NEO1: variants seen among roughly 807,000 people sequenced by gnomAD.
NEO1 encodes the protein neogenin 1.
A neutral mutation model predicts 159.7 loss-of-function variants in NEO1; 63 were observed. That is an observed-to-expected ratio of 0.39 (90% CI 0.32 to 0.49). NEO1 has a LOEUF of 0.49. NEO1 is among the 20% of genes least tolerant of loss of function. NEO1 has a pLI of 0.85. For synonymous variants in NEO1, 633 were observed against 662.0 expected (o/e 0.96, Z 0.67); for missense variants, 1,615 against 1,831.0 (o/e 0.88, Z 2.15).
chr15:73,151,533 A>G (rs1222089843), intron 5 of NEO1, among the ~76,000 whole-genome samples: 1 of 152,240 alleles, frequency 6.6e-6, no homozygotes, highest in East Asian at 1.9e-4. Flanking sequence ...ATTGACTCAC[A>G]GTTCTGCAGG....
At chr15:73,232,283 T>C (rs2038950829) in intron 7 of NEO1, among the ~76,000 whole-genome samples, 2 of 152,206 alleles carry the variant, frequency 1.3e-5, no homozygotes, top group African/African-American at 4.8e-5. Flanking sequence ...ACAGATGTTT[T>C]TGTTGAGTAT....
chr15:73,168,379 T>TGGG (rs75298868), intron 5 of NEO1, among the ~76,000 whole-genome samples: 5 of 51,252 alleles, frequency 9.8e-5, no homozygotes, highest in African/African-American at 3.5e-4. Flanking sequence ...AGACGGGGGG[T>TGGG]GGGGGGGGGG....
intron 1 of NEO1, among the ~76,000 whole-genome samples, chr15:73,108,059 T>A (rs1386061123): frequency 6.6e-6 from 1 of 152,226 alleles, no homozygotes; most frequent in Non-Finnish European, 1.5e-5. Flanking sequence ...AAAGCTTTCA[T>A]GAACGTTCTG....
intron 7 of NEO1, among the ~76,000 whole-genome samples, chr15:73,205,112 G>A (rs760543255): frequency 6.5e-4 from 99 of 152,172 alleles, no homozygotes; most frequent in Admixed American, 5.2e-4. Flanking sequence ...ATAATGTTAA[G>A]ATGTGAGGGA....
chr15:73,132,546 A>C (rs2031262117), intron 4 of NEO1, among the ~76,000 whole-genome samples: 1 of 152,214 alleles, frequency 6.6e-6, no homozygotes. Flanking sequence ...GATGGGACTT[A>C]ATTTAAAAAG....
rs556111664 is a variant in NEO1 at position 73,266,304 on chromosome 15, C to CT, written c.2399-4dup. ...GTGAGCATTTTTTTAATGTGTGTTT[C>CT]TTTTTTTTCAGATCCCAGCTCTCAC... On this transcript the variant is annotated splice_polypyrimidine_tract_variant and intron_variant, in intron 15 of 28. Coordinates refer to ENST00000261908, the MANE Select transcript of NEO1 (RefSeq NM_002499.4). 169 of 1,590,238 alleles carry CT rather than the reference C, an allele frequency of 1.1e-4. No homozygotes were observed. Among genetic ancestry groups the CT allele is most frequent in the South Asian group, 1.0e-3 (91 of 87,314 alleles).
At chr15:73,258,124 T>C (rs2040454725) in intron 13 of NEO1, among the ~76,000 whole-genome samples, 1 of 152,242 alleles carries the variant, frequency 6.6e-6, no homozygotes, top group Non-Finnish European at 1.5e-5. Context: ...TTTGTTGCGT[T>C]TGATACATTG....
intron 7 of NEO1, among the ~76,000 whole-genome samples, chr15:73,197,808 GTAGC>G (rs2036623383): frequency 6.6e-6 from 1 of 150,840 alleles, no homozygotes; most frequent in Non-Finnish European, 1.5e-5. Context: ...AGCCTCCCAA[GTAGC>G]TAGGATTACA....
chr15:73,293,623 C>G (rs1381355083), intron 26 of NEO1, 75 bp downstream of exon 26: 2 of 1,474,592 alleles, frequency 1.4e-6, no homozygotes, highest in Non-Finnish European at 1.8e-6. Context: ...AAGGACTTGC[C>G]CTACTTAGAA....
In NEO1 at chr15:73,278,297, G is replaced by T. The variant is rs1179832847; in HGVS notation, c.3262+98G>T. ...CTTTATAGCTTGTGTGTGGTGGGTT[G>T]TAGCATATTAGCCTGTTTTCTTTTA... On this transcript the variant is annotated intron_variant, in intron 22 of 28. Transcript: ENST00000261908. 3 of 1,035,966 alleles carry T rather than the reference G, an allele frequency of 2.9e-6. No individual in the cohort carries two copies. The African/African-American group carries it at 4.7e-5, about 16-fold the overall frequency. 64.2% of individuals were successfully genotyped at this position (1,035,966 alleles called of 1,614,324 possible). A position where few individuals can be genotyped will look rare whatever the true frequency, so the allele number is the denominator to read the frequency against.
At chr15:73,258,664 T>C (rs1275874134) in intron 13 of NEO1, 102 bp from the exon 14 acceptor site, 11 of 921,602 alleles carry the variant, frequency 1.2e-5, no homozygotes, top group Non-Finnish European at 1.9e-5. Flanking sequence ...CCAAGCTATA[T>C]ACTGAGTTGG....
Position 73,249,665 on chromosome 15 carries a change from A to G in NEO1, c.1838A>G (p.Asn613Ser). Residue 613 changes from asparagine to serine, a missense_variant, in exon 11 of 29, where the codon AAT becomes AGT. By Grantham distance (46) the Asn-to-Ser change is conservative. This residue lies in a region of NEO1 where 1,018 missense variants were observed against 1,115.4 expected (regional missense o/e 0.91). Coordinates refer to ENST00000261908, the MANE Select transcript of NEO1 (RefSeq NM_002499.4). ...TATAGTTTCCGAGTGGTGGCCTACA[A>G]TAAACATGGTCCTGGAGTTTCCACA... ...TEYSFRVVAY[N>S]KHGPGVSTPD... The G allele has an allele frequency of 5.6e-6, 9 of 1,613,982 alleles. No individual in the cohort carries two copies. Among genetic ancestry groups the G allele is most frequent in the Non-Finnish European group, 7.6e-6 (9 of 1,179,946 alleles).
intron 3 of NEO1, among the ~76,000 whole-genome samples, chr15:73,124,883 A>G (rs552819311): frequency 3.2e-4 from 48 of 152,220 alleles, no homozygotes; most frequent in Non-Finnish European, 5.7e-4. Context: ...AATATTGGCT[A>G]TGAATTTGTT....
chr15:73,260,249 C>T, intron 14 of NEO1, 22 bp from the exon 15 acceptor site: 3 of 1,607,168 alleles, frequency 1.9e-6, no homozygotes, highest in Non-Finnish European at 2.6e-6. Context: ...TCTCATCTTG[C>T]TTTTCCACTT....
At chr15:73,218,851 T>C (rs1385127456) in intron 7 of NEO1, among the ~76,000 whole-genome samples, 1 of 152,224 alleles carries the variant, frequency 6.6e-6, no homozygotes, top group Admixed American at 6.5e-5. Context: ...CTATCAATTT[T>C]GTTGATCCTT....
intron 4 of NEO1, among the ~76,000 whole-genome samples, chr15:73,135,063 G>T (rs1158957166): frequency 6.6e-6 from 1 of 152,130 alleles, no homozygotes; most frequent in Non-Finnish European, 1.5e-5. Flanking sequence ...TTAGGTACTT[G>T]TCCCTAGAAT....
chr15:73,157,925 A>T (rs1026481949), intron 5 of NEO1, among the ~76,000 whole-genome samples: 2 of 152,074 alleles, frequency 1.3e-5, no homozygotes, highest in African/African-American at 2.4e-5. Flanking sequence ...TAAAAAAAAA[A>T]TTGTTTTTGA....
chr15:73,251,471 A>C, intron 11 of NEO1, among the ~76,000 whole-genome samples: 1 of 149,010 alleles, frequency 6.7e-6, no homozygotes, highest in African/African-American at 2.5e-5. Flanking sequence ...CTGTGATTAC[A>C]CCACTGCACT....
intron 21 of NEO1, among the ~76,000 whole-genome samples, chr15:73,275,950 C>T (rs1485001535): frequency 3.9e-5 from 6 of 152,162 alleles, no homozygotes; most frequent in Non-Finnish European, 8.8e-5. Context: ...AAGGAAGAGT[C>T]AGAACTTGAG....
Sources: gnomAD v4.1 joint callset for allele counts (sites outside exome capture counted in the v4.1 genomes callset) on GRCh38, gnomAD v4.1.1 for gene constraint, gnomAD v4.1.1 regional missense constraint, MANE v1.5 for transcripts, NCBI Gene and HGNC (gene_info 2026-07-23, HGNC 2026-07-21) for gene names.